Variants in MAOB observed in about 807,000 individuals in gnomAD.
MAOB encodes the protein monoamine oxidase B.
In MAOB, 15 loss-of-function variants were observed where a neutral mutation model predicts 41.9. The ratio of observed to expected loss-of-function variants is 0.36; its 90% CI spans 0.24 to 0.55. The LOEUF (loss-of-function observed/expected upper bound fraction) is 0.55, where lower values mean the gene tolerates loss of function less well. Ranked by LOEUF, MAOB falls within the 20% of genes least tolerant of loss-of-function variation. The pLI is 0.86. For synonymous variants in MAOB, 167 were observed against 144.2 expected, an observed-to-expected ratio of 1.16 and a Z score of -1.13; for missense variants, 345 against 398.7, an observed-to-expected ratio of 0.87 and a Z score of 1.15.
At chrX:43,810,700 C>A (rs1295342332) in intron 3 of MAOB, among the ~76,000 whole-genome samples, 1 of 111,908 alleles carries the variant, frequency 8.9e-6, no homozygotes, top group Non-Finnish European at 1.9e-5. Context: ...CTGACTTGAA[C>A]CAGCTCTTCA....
At chrX:43,843,198 A>G (rs2035158485) in intron 2 of MAOB, among the ~76,000 whole-genome samples, 1 of 111,682 alleles carries the variant, frequency 9.0e-6, no homozygotes, top group Non-Finnish European at 1.9e-5. Context: ...ATTTGTTAAA[A>G]TAAAATTTAA....
Position 43,778,700 on chromosome X carries a change from A to G in MAOB, c.1119T>C (p.Gly373=). 1 of 1,207,522 alleles carries G rather than the reference A, an allele frequency of 8.3e-7. No homozygotes were observed. Among genetic ancestry groups the G allele is most frequent in the Non-Finnish European group, 1.1e-6 (1 of 892,686 alleles). ...KLCELYAKVL[G]SLEALEPVHY... is the part of the protein sequence containing the mutation. ...GCCTTACCTCCAGAGCTTCTAGGGA[A>G]CCCAGAACCTTGGCATAGAGTTCAC... Residue 373 remains glycine, a synonymous_variant, in exon 11 of 15, where the codon GGT becomes GGC. Transcript: ENST00000378069.
chrX:43,826,449 C>T (rs2034948849), intron 3 of MAOB, among the ~76,000 whole-genome samples: 1 of 112,575 alleles, frequency 8.9e-6, no homozygotes, highest in African/African-American at 3.2e-5. Flanking sequence ...TACCAACTGC[C>T]ACATCCTGAG....
chrX:43,798,907 G>A (rs185747509), intron 5 of MAOB, among the ~76,000 whole-genome samples: 140 of 111,101 alleles, frequency 1.3e-3, no homozygotes, highest in African/African-American at 3.9e-3. Flanking sequence ...ACGGAGTCTC[G>A]GACAGTTTAG....
At chrX:43,834,135 C>T (rs1426707283) in intron 3 of MAOB, among the ~76,000 whole-genome samples, 1 of 111,792 alleles carries the variant, frequency 8.9e-6, no homozygotes, top group African/African-American at 3.3e-5. Flanking sequence ...TTCATTAAGC[C>T]CACTTCAGAA....
chrX:43,840,161 C>G (rs760150415), intron 2 of MAOB, among the ~76,000 whole-genome samples: 7 of 112,059 alleles, frequency 6.2e-5, no homozygotes, highest in Non-Finnish European at 1.3e-4. Context: ...TCACAAATAA[C>G]TAGGTCAGGC....
rs187694389 is a variant in MAOB at position 43,806,509 on chromosome X, C to T, written c.280-3105G>A. ...TGTCACCTCAGAGGGCACTTGATAT[C>T]AATATGACTTATCACGGATGATGTT... On this transcript the variant is annotated intron_variant, in intron 3 of 14. Transcript: ENST00000378069. 8.0e-4 allele frequency among the ~76,000 whole-genome samples: 89 copies of T among 111,470 alleles called. 1 individual carries two copies. Among genetic ancestry groups the T allele is most frequent in the Admixed American group, 7.7e-3 (81 of 10,460 alleles).
chrX:43,768,727 A>G lies in MAOB; in HGVS notation c.1348-11T>C, dbSNP rs1448200486. ...CATGGCATGCAGGATCTGAAATGAA[A>G]GAACACACTGGCAAATAGCAAAAGT... On this transcript the variant is annotated splice_polypyrimidine_tract_variant and intron_variant, in intron 13 of 14. Transcript: ENST00000378069. 1.3e-5 allele frequency: 16 copies of G among 1,193,002 alleles called. No homozygotes were observed. Among genetic ancestry groups the G allele is most frequent in the South Asian group, 1.8e-5 (1 of 56,346 alleles).
At chrX:43,870,373 C>A (rs763389355) in intron 1 of MAOB, among the ~76,000 whole-genome samples, 3 of 111,098 alleles carry the variant, frequency 2.7e-5, no homozygotes, top group Non-Finnish European at 5.6e-5. Context: ...AGTGTTTGGG[C>A]CAGCATAGTG....
intron 8 of MAOB, among the ~76,000 whole-genome samples, chrX:43,787,704 C>T (rs1028214494): frequency 1.2e-4 from 13 of 110,013 alleles, no homozygotes; most frequent in South Asian, 7.3e-4. Context: ...ATGTTTAGAA[C>T]GCAGTGAAAA....
chrX:43,773,915 T>C (rs56220155), intron 12 of MAOB, among the ~76,000 whole-genome samples: 33,207 of 110,876 alleles, frequency 0.3, 3,914 homozygotes, highest in Middle Eastern at 0.41. Flanking sequence ...AGTGTGAAAA[T>C]AGAGTAACAC....
chrX:43,780,241 C>A lies in MAOB; in HGVS notation c.1079+101G>T, dbSNP rs2034312126. On this transcript the variant is annotated intron_variant, in intron 10 of 14. Transcript: ENST00000378069. Reference sequence around the variant, plus strand: ...AAGTTAAGTAAAAATGAAAGGCAGGCAAGTAGGTAGAAAAGAAGGAAAGAA... The same window carrying A: ...AAGTTAAGTAAAAATGAAAGGCAGGAAAGTAGGTAGAAAAGAAGGAAAGAA... 1.4e-5 allele frequency: 9 copies of A among 665,348 alleles called. No individual in the cohort carries two copies. The Admixed American group carries it at 2.8e-4, about 21-fold the overall frequency. 54.8% of individuals were successfully genotyped at this position (665,348 alleles called of 1,213,427 possible).
intron 3 of MAOB, among the ~76,000 whole-genome samples, chrX:43,822,956 A>G (rs1602005275): frequency 9.0e-6 from 1 of 110,568 alleles, no homozygotes; most frequent in South Asian, 3.9e-4. Context: ...TCCTTTTAAT[A>G]AGACTTTATA....
chrX:43,856,178 G>A (rs1338565648), intron 1 of MAOB, among the ~76,000 whole-genome samples: 1 of 111,164 alleles, frequency 9.0e-6, no homozygotes, highest in Non-Finnish European at 1.9e-5. Context: ...CCGTCTCCTG[G>A]GTTCAAGCAA....
chrX:43,790,317 A>G lies in MAOB; in HGVS notation c.928+3102T>C, dbSNP rs1315854917. Among the ~76,000 whole-genome samples, 6 of 112,036 alleles carry G rather than the reference A, an allele frequency of 5.4e-5. 1 individual carries two copies. The highest frequency in any genetic ancestry group is 2.0e-4 in the African/African-American group (6 of 30,746). ...TAAGTGTCATTGAATACACTTATCA[A>G]TGTAACAGGAATCATATTGGATGTG... On this transcript the variant is annotated intron_variant, in intron 8 of 14. Transcript: ENST00000378069.
At chrX:43,843,608 A>G in intron 2 of MAOB, 62 bp downstream of exon 2, 1 of 1,108,408 alleles carries the variant, frequency 9.0e-7, no homozygotes, top group Non-Finnish European at 1.2e-6. Flanking sequence ...GAAAAAGACA[A>G]AAATGAAACC....
intron 3 of MAOB, among the ~76,000 whole-genome samples, chrX:43,835,983 G>A: frequency 9.0e-6 from 1 of 111,695 alleles, no homozygotes. Flanking sequence ...TGACAATATG[G>A]CAAGTAGCAT....
chrX:43,868,808 T>A (rs1316955931), intron 1 of MAOB, among the ~76,000 whole-genome samples: 1 of 110,474 alleles, frequency 9.1e-6, no homozygotes, highest in Non-Finnish European at 1.9e-5. Flanking sequence ...TTTTTGTGCA[T>A]GCACCAAAAA....
At chrX:43,775,552 G>A (rs1362524295) in intron 11 of MAOB, among the ~76,000 whole-genome samples, 2 of 111,077 alleles carry the variant, frequency 1.8e-5, no homozygotes, top group African/African-American at 6.6e-5. Flanking sequence ...TTTTTACCTT[G>A]GTTTTACCTA....
Sources: gnomAD v4.1 joint callset for allele counts (sites outside exome capture counted in the v4.1 genomes callset) on GRCh38, gnomAD v4.1.1 for gene constraint, MANE v1.5 for transcripts, NCBI Gene and HGNC (gene_info 2026-07-23, HGNC 2026-07-21) for gene names.